KRT80: variants seen among roughly 807,000 people sequenced by gnomAD.
KRT80 encodes the protein keratin, type II cytoskeletal 80.
In KRT80, 36 loss-of-function variants were observed where a neutral mutation model predicts 51.5. That is an observed-to-expected ratio of 0.70 (90% CI 0.54 to 0.92). The LOEUF (loss-of-function observed/expected upper bound fraction) is 0.92, where lower values mean the gene tolerates loss of function less well. Ranked by LOEUF, KRT80 falls within the 40% of genes least tolerant of loss-of-function variation. The pLI is 0.00. For missense variants in KRT80, 566 were observed against 591.7 expected (o/e 0.96, Z 0.45); for synonymous variants, 235 against 248.3 (o/e 0.95, Z 0.50).
intron 4 of KRT80, among the ~76,000 whole-genome samples, chr12:52,177,858 T>C (rs1941258115): frequency 6.6e-6 from 1 of 152,170 alleles, no homozygotes; most frequent in Admixed American, 6.5e-5. Context: ...GCACAGTCTT[T>C]ACTCAGAGCT....
At position 52,185,470 on chromosome 12, in the gene KRT80, G is replaced by T. The variant is rs1193402399; in HGVS notation, c.418C>A (p.Gln140Lys). ...TGGCTCACTTTGCGCAGTTCCTCCT[G>T]CAGCCGGCCCTGATATTCCTCATAG... is the stretch of plus-strand genomic sequence containing the variant. ...HLYEEYQGRL[Q>K]EELRKVSQER... Residue 140 changes from glutamine (Q) to lysine (K), a missense_variant, in exon 2 of 9, where the codon CAG becomes AAG. Gln to Lys is a moderately conservative substitution (Grantham distance 53). Coordinates refer to ENST00000394815, the MANE Select transcript of KRT80 (RefSeq NM_182507.3). 4 of 1,613,926 alleles carry T rather than the reference G, an allele frequency of 2.5e-6. No individual in the cohort carries two copies. The highest frequency in any genetic ancestry group is 3.4e-6 in the Non-Finnish European group (4 of 1,180,036).
rs201757130 is a variant in KRT80 at position 52,173,137 on chromosome 12, G to C, written c.858C>G (p.Ala286=). Residue 286 remains alanine (A), a synonymous_variant, in exon 6 of 9, where the codon GCC becomes GCG. Transcript: ENST00000394815. ...SQLEEQAARS[A]EYGSSLQSSR... ...TGCTCTGGAGGCTGCTCCCATACTC[G>C]GCCGAGCGGGCGGCCTGCTCCTCCA... 1 of 1,610,896 alleles carries C rather than the reference G, an allele frequency of 6.2e-7. No homozygotes were observed. Among genetic ancestry groups the C allele is most frequent in the African/African-American group, 1.3e-5 (1 of 74,958 alleles).
chr12:52,185,550 G>T lies in KRT80; in HGVS notation c.338C>A (p.Thr113Lys). Residue 113 changes from threonine (T) to lysine (K), a missense_variant, in exon 2 of 9, where the codon ACA (threonine) becomes AAA (lysine). Thr to Lys is a moderately conservative substitution (Grantham distance 78, BLOSUM62 -1). Transcript: ENST00000394815. ...CTGGCCCTGCAGGAAGCTCCAGCGT[G>T]TCTCCAGCAGCTGGTTGCGCTGTTC... ...ALEQRNQLLETRWSFLQGQDS... is the reference protein window; with the variant it reads ...ALEQRNQLLEKRWSFLQGQDS... 1 of 1,612,086 alleles carries T rather than the reference G, an allele frequency of 6.2e-7. No individual in the cohort carries two copies.
At position 52,185,776 on chromosome 12, in the gene KRT80, T is replaced by C. The variant is rs1941396331; in HGVS notation, c.301-189A>G. The C allele has an allele frequency of 2.4e-6, 3 of 1,270,924 alleles. No homozygotes were observed. The East Asian group carries it at 7.7e-5, about 33-fold the overall frequency. The allele number at this position is 1,270,924 out of a possible 1,614,324, so 78.7% of individuals were successfully genotyped here. A position where few individuals can be genotyped will look rare whatever the true frequency, so the allele number is the denominator to read the frequency against. On this transcript the variant is annotated intron_variant, in intron 1 of 8. Coordinates refer to ENST00000394815, the MANE Select transcript of KRT80 (RefSeq NM_182507.3). ...ATTGTTAAAACTGAAGATGGTGAGATAAGGACAGGATCAGAGCAAGGTGGA... is the reference window on the plus strand; with the variant it reads ...ATTGTTAAAACTGAAGATGGTGAGACAAGGACAGGATCAGAGCAAGGTGGA...
intron 2 of KRT80, among the ~76,000 whole-genome samples, chr12:52,185,001 C>T (rs190292745): frequency 1.2e-4 from 19 of 152,296 alleles, no homozygotes; most frequent in African/African-American, 3.6e-4. Context: ...TAGCTAGTGA[C>T]GTAATTTCCC....
At position 52,173,649 on chromosome 12, in the gene KRT80, G is replaced by A. The variant is rs750697351; in HGVS notation, c.782C>T (p.Ala261Val). ...IVEEVKAQYD[A>V]VAARSLEEAE... Reference sequence around the variant, plus strand: ...CTCCTCCAGGCTGCGAGCCGCGACGGCGTCATACTGGGCCTTCACCTCCTC... The same window carrying A: ...CTCCTCCAGGCTGCGAGCCGCGACGACGTCATACTGGGCCTTCACCTCCTC... Residue 261 changes from alanine (A) to valine (V), a missense_variant, in exon 5 of 9, where the codon GCC (alanine) becomes GTC (valine). Physicochemically the swap from Ala to Val is moderately conservative, Grantham distance 64. Coordinates refer to ENST00000394815, the MANE Select transcript of KRT80 (RefSeq NM_182507.3). The A allele has an allele frequency of 5.0e-6, 8 of 1,613,116 alleles. No homozygotes were observed. The Middle Eastern group carries it at 4.9e-4, about 100-fold the overall frequency.
intron 1 of KRT80, 78 bp downstream of exon 1, chr12:52,191,525 G>T: frequency 7.1e-7 from 1 of 1,407,012 alleles, no homozygotes; most frequent in Non-Finnish European, 9.7e-7. Flanking sequence ...GGTGATCGAT[G>T]CTCAGGGAAA....
chr12:52,174,067 C>T (rs1157644023), intron 4 of KRT80, among the ~76,000 whole-genome samples: 3 of 152,242 alleles, frequency 2.0e-5, no homozygotes, highest in Non-Finnish European at 4.4e-5. Flanking sequence ...CTGTTGCCCT[C>T]TCCTGGGAGG....
rs376383081 is a variant in KRT80 at position 52,191,977 on chromosome 12, C to G, written c.-75G>C. 5.3e-6 allele frequency: 7 copies of G among 1,309,360 alleles called. No individual in the cohort carries two copies. In the African/African-American group the frequency reaches 7.5e-5, roughly 14 times the overall value. The allele number at this position is 1,309,360 out of a possible 1,614,324, so 81.1% of individuals were successfully genotyped here. On this transcript the variant is annotated 5_prime_UTR_variant, in exon 1 of 9. Transcript: ENST00000394815. ...CTGGGGTTGCGTCGGGTGGCAGGCT[C>G]TGGTTGCTCTGGTCACAGCTGGGGC... is the stretch of plus-strand genomic sequence containing the variant.
At chr12:52,176,493 T>C (rs1941224727) in intron 4 of KRT80, among the ~76,000 whole-genome samples, 1 of 151,784 alleles carries the variant, frequency 6.6e-6, no homozygotes, top group Non-Finnish European at 1.5e-5. Context: ...TTTTTTTTTT[T>C]TTTTTGAGAT....
chr12:52,170,882 TTCAGCAG>T lies in KRT80; in HGVS notation c.*509_*515del, dbSNP rs1487382941. ...AGAGCACGGGAAAGCCAAGAGGGTCTTCAGCAGCCAGCCTTCCCAGGAATTCCAGATA... is the reference window on the plus strand; with the variant it reads ...AGAGCACGGGAAAGCCAAGAGGGTCTCCAGCCTTCCCAGGAATTCCAGATA... On this transcript the variant is annotated 3_prime_UTR_variant, in exon 9 of 9. Coordinates refer to ENST00000394815, the MANE Select transcript of KRT80 (RefSeq NM_182507.3). 1.3e-5 allele frequency: 2 copies of T among 156,374 alleles called. No homozygotes were observed. The highest frequency in any genetic ancestry group is 4.8e-5 in the African/African-American group (2 of 41,496). The allele number at this position is 156,374 out of a possible 1,614,324, so 9.7% of individuals were successfully genotyped here.
intron 4 of KRT80, among the ~76,000 whole-genome samples, chr12:52,175,894 G>A (rs1429248459): frequency 6.6e-6 from 1 of 152,200 alleles, no homozygotes; most frequent in African/African-American, 2.4e-5. Flanking sequence ...CCTGGCTGGG[G>A]CTTGGCTGGG....
intron 6 of KRT80, 45 bp downstream of exon 6, chr12:52,172,993 C>T (rs774735895): frequency 1.3e-6 from 2 of 1,582,654 alleles, no homozygotes; most frequent in Non-Finnish European, 1.7e-6. Flanking sequence ...CTGTGTGTCT[C>T]CCTGCTCTCC....
In KRT80 at chr12:52,185,488, C is replaced by T. The variant is rs757639013; in HGVS notation, c.400G>A (p.Glu134Lys). The T allele has an allele frequency of 1.9e-6, 3 of 1,614,054 alleles. No homozygotes were observed. In the East Asian group the frequency reaches 6.7e-5, roughly 36 times the overall value. ...AIFDLGHLYE[E>K]YQGRLQEELR... ...TCCTCCTGCAGCCGGCCCTGATATT[C>T]CTCATAGAGATGCCCGAGGTCGAAG... Residue 134 changes from glutamate to lysine, a missense_variant, in exon 2 of 9, where the codon GAA (glutamate) becomes AAA (lysine). Physicochemically the swap from Glu to Lys is moderately conservative, Grantham distance 56 (BLOSUM62 1). Transcript: ENST00000394815.
At chr12:52,182,930 T>C (rs1254699156) in intron 2 of KRT80, among the ~76,000 whole-genome samples, 1 of 152,190 alleles carries the variant, frequency 6.6e-6, no homozygotes, top group Non-Finnish European at 1.5e-5. Flanking sequence ...ACCAATACTG[T>C]TTCATCTCCA....
chr12:52,171,682 C>T lies in KRT80; in HGVS notation c.1210G>A (p.Ala404Thr), dbSNP rs541366158. ...CCGGTTTTGCACCTGGACTGCACAG[C>T]GCTGACCACAGTGGCTGAGGGCGAG... ...MDSPSATVVS[A>T]VQSRCKTAAS... Residue 404 changes from alanine to threonine, a missense_variant, in exon 8 of 9, where the codon GCT becomes ACT. Physicochemically the swap from Ala to Thr is moderately conservative, Grantham distance 58. Transcript: ENST00000394815. The T allele has an allele frequency of 2.7e-5, 37 of 1,383,718 alleles. No homozygotes were observed. The highest frequency in any genetic ancestry group is 2.0e-4 in the Middle Eastern group (1 of 5,024). 85.7% of individuals were successfully genotyped at this position (1,383,718 alleles called of 1,614,324 possible). A position where few individuals can be genotyped will look rare whatever the true frequency, so the allele number is the denominator to read the frequency against.
At position 52,172,358 on chromosome 12, in the gene KRT80, C is replaced by T; in HGVS notation, c.1018G>A (p.Asp340Asn). The change falls in exon 7 of 9, where the codon GAT becomes AAT. Residue 340 changes from aspartate (D) to asparagine (N), a missense_variant. Transcript: ENST00000394815. ...AEEQGELAFQ[D>N]AKTKLAQLEA... is the part of the protein sequence containing the mutation. ...AGCTGGGCCAGCTTGGTCTTGGCATCCTGGAAGGCCAGCTCACCCTGCTCC... is the reference window on the plus strand; with the variant it reads ...AGCTGGGCCAGCTTGGTCTTGGCATTCTGGAAGGCCAGCTCACCCTGCTCC... 1 of 1,614,148 alleles carries T rather than the reference C, an allele frequency of 6.2e-7. No homozygotes were observed. The highest frequency in any genetic ancestry group is 2.2e-5 in the East Asian group (1 of 44,882).
At chr12:52,189,985 G>A (rs1204868955) in intron 1 of KRT80, among the ~76,000 whole-genome samples, 3 of 152,214 alleles carry the variant, frequency 2.0e-5, no homozygotes, top group Non-Finnish European at 2.9e-5. Context: ...TTCCTTCTAA[G>A]GGATTAAACT....
In KRT80 at chr12:52,171,731, G is replaced by T. The variant is rs767569862; in HGVS notation, c.1179-18C>A. ...AGTCCATCCTGGGGGTGGGGGACGG[G>T]GGGGTGGGAGAGGGATATGATGGGA... On this transcript the variant is annotated intron_variant, in intron 7 of 8. Coordinates refer to ENST00000394815, the MANE Select transcript of KRT80 (RefSeq NM_182507.3). 1.4e-6 allele frequency: 2 copies of T among 1,431,282 alleles called. No homozygotes were observed. Among genetic ancestry groups the T allele is most frequent in the South Asian group, 2.5e-5 (2 of 81,600 alleles). 88.7% of individuals were successfully genotyped at this position (1,431,282 alleles called of 1,614,324 possible). A position where few individuals can be genotyped will look rare whatever the true frequency, so the allele number is the denominator to read the frequency against.
Sources: allele counts gnomAD v4.1 joint callset (sites outside exome capture counted in the v4.1 genomes callset), GRCh38; gene constraint gnomAD v4.1.1; transcripts MANE v1.5; gene names NCBI Gene and HGNC (gene_info 2026-07-23, HGNC 2026-07-21).